The following AUTS2 variants were observed in gnomAD, a reference collection of about 807,000 sequenced individuals.
AUTS2 encodes the protein autism susceptibility gene 2 protein.
AUTS2 carries 17 observed loss-of-function variants against 112.4 expected under a neutral mutation model. The ratio of observed to expected loss-of-function variants is 0.15; its 90% CI spans 0.10 to 0.23. The LOEUF (loss-of-function observed/expected upper bound fraction) is 0.23, where lower values mean the gene tolerates loss of function less well. Among genes scored for constraint, AUTS2 ranks in the 10% least tolerant of loss-of-function variants. The pLI, the probability that AUTS2 is intolerant of heterozygous loss-of-function variation, is 1.00. For missense variants in AUTS2, 1,510 were observed against 1,701.6 expected, an observed-to-expected ratio of 0.89 and a Z score of 1.98; for synonymous variants, 751 against 702.7, an observed-to-expected ratio of 1.07 and a Z score of -1.09.
chr7:69,660,137 G>A (rs1005855992), intron 1 of AUTS2, among the ~76,000 whole-genome samples: 6 of 152,170 alleles, frequency 3.9e-5, no homozygotes, highest in African/African-American at 1.4e-4. Context: ...AGGCTTAGAG[G>A]CTCCACATTC....
intron 1 of AUTS2, among the ~76,000 whole-genome samples, chr7:69,711,923 A>T (rs1421964109): frequency 6.6e-6 from 1 of 152,214 alleles, no homozygotes; most frequent in Non-Finnish European, 1.5e-5. Context: ...TTGTAACAAT[A>T]AGATAAGATT....
At chr7:70,080,638 GGTT>G (rs1209520090) in intron 2 of AUTS2, among the ~76,000 whole-genome samples, 2 of 152,226 alleles carry the variant, frequency 1.3e-5, no homozygotes, top group East Asian at 1.9e-4. Context: ...CCAAGGAGCT[GGTT>G]GTTAAGTATT....
intron 4 of AUTS2, among the ~76,000 whole-genome samples, chr7:70,398,013 T>A: frequency 6.6e-6 from 1 of 152,226 alleles, no homozygotes; most frequent in East Asian, 1.9e-4. Context: ...GTTTGTTTGC[T>A]TATGGATATT....
intron 1 of AUTS2, among the ~76,000 whole-genome samples, chr7:69,832,064 TG>T (rs1351912448): frequency 1.3e-5 from 2 of 152,186 alleles, no homozygotes; most frequent in Non-Finnish European, 2.9e-5. Context: ...AAGGCAGCCA[TG>T]TTCTAAAACT....
chr7:69,923,423 C>T (rs774715596), intron 2 of AUTS2, among the ~76,000 whole-genome samples: 3 of 152,084 alleles, frequency 2.0e-5, no homozygotes, highest in Non-Finnish European at 4.4e-5. Flanking sequence ...GATAATGTTA[C>T]ATAGTTTTGG....
At chr7:70,224,959 G>A (rs1468566089) in intron 4 of AUTS2, among the ~76,000 whole-genome samples, 3 of 152,112 alleles carry the variant, frequency 2.0e-5, no homozygotes, top group Non-Finnish European at 4.4e-5. Context: ...TTGTCGAAGT[G>A]TATTCTATGA....
At chr7:70,640,403 A>T (rs1805752230) in intron 5 of AUTS2, among the ~76,000 whole-genome samples, 1 of 149,182 alleles carries the variant, frequency 6.7e-6, no homozygotes, top group African/African-American at 2.5e-5. Context: ...CAACCTCTGA[A>T]AAATAAACTC....
chr7:69,777,201 G>T (rs1191091458), intron 1 of AUTS2, among the ~76,000 whole-genome samples: 2 of 152,158 alleles, frequency 1.3e-5, no homozygotes, highest in African/African-American at 4.8e-5. Flanking sequence ...CTGCCAGTAT[G>T]TGCACGTTTT....
intron 6 of AUTS2, among the ~76,000 whole-genome samples, chr7:70,709,567 T>C (rs1441117777): frequency 6.6e-6 from 1 of 151,906 alleles, no homozygotes; most frequent in Admixed American, 6.6e-5. Context: ...AAAAATGAGG[T>C]GGGCATGGTG....
At chr7:69,633,001 G>A (rs936469838) in intron 1 of AUTS2, among the ~76,000 whole-genome samples, 1 of 152,056 alleles carries the variant, frequency 6.6e-6, no homozygotes, top group Non-Finnish European at 1.5e-5. Context: ...TACTCATTTA[G>A]CATTAATCCC....
At chr7:70,124,786 C>T (rs1805873605) in intron 3 of AUTS2, among the ~76,000 whole-genome samples, 1 of 152,192 alleles carries the variant, frequency 6.6e-6, no homozygotes, top group Non-Finnish European at 1.5e-5. Flanking sequence ...TGGTCTCAAA[C>T]TCCTGACCTC....
chr7:70,565,876 A>C (rs1378789246), intron 5 of AUTS2, among the ~76,000 whole-genome samples: 2 of 152,222 alleles, frequency 1.3e-5, no homozygotes, highest in Non-Finnish European at 2.9e-5. Context: ...AGAATACAAT[A>C]GACAAGCAAG....
chr7:69,793,951 G>T (rs1396515343), intron 1 of AUTS2, among the ~76,000 whole-genome samples: 1 of 152,176 alleles, frequency 6.6e-6, no homozygotes, highest in Non-Finnish European at 1.5e-5. Flanking sequence ...CAGAGTGATG[G>T]CTTAAGTTGG....
intron 1 of AUTS2, among the ~76,000 whole-genome samples, chr7:69,686,993 AT>A (rs986228215): frequency 2.0e-5 from 3 of 152,220 alleles, no homozygotes; most frequent in Admixed American, 6.5e-5. Flanking sequence ...ATTGTAAGTT[AT>A]TTAGAGACTA....
At chr7:70,271,539 T>C (rs1329009229) in intron 4 of AUTS2, among the ~76,000 whole-genome samples, 1 of 152,196 alleles carries the variant, frequency 6.6e-6, no homozygotes, top group African/African-American at 2.4e-5. Context: ...TACACAGGGT[T>C]TATAAAAAAA....
intron 5 of AUTS2, among the ~76,000 whole-genome samples, chr7:70,624,091 T>C (rs988765092): frequency 1.3e-5 from 2 of 152,252 alleles, no homozygotes; most frequent in African/African-American, 4.8e-5. Flanking sequence ...GATCATACTT[T>C]AATGTTTATA....
At chr7:69,997,228 G>A (rs753282669) in intron 2 of AUTS2, among the ~76,000 whole-genome samples, 2 of 152,170 alleles carry the variant, frequency 1.3e-5, no homozygotes, top group Non-Finnish European at 2.9e-5. Context: ...GCTTGGAGAA[G>A]TGTGAGGTAA....
chr7:70,003,346 AAT>A (rs1052900659), intron 2 of AUTS2, among the ~76,000 whole-genome samples: 8 of 129,744 alleles, frequency 6.2e-5, no homozygotes, highest in East Asian at 2.2e-4. Flanking sequence ...AATATGTATG[AAT>A]ATGTTATATA....
At chr7:70,426,711 G>A (rs1313709456) in intron 4 of AUTS2, among the ~76,000 whole-genome samples, 3 of 152,108 alleles carry the variant, frequency 2.0e-5, no homozygotes, top group Non-Finnish European at 2.9e-5. Flanking sequence ...CGGGTAATGC[G>A]ATAAGTTCTA....
Sources: allele counts gnomAD v4.1 joint callset (sites outside exome capture counted in the v4.1 genomes callset), GRCh38; gene constraint gnomAD v4.1.1; transcripts MANE v1.5; gene names NCBI Gene and HGNC (gene_info 2026-07-23, HGNC 2026-07-21).